C11orf65: variants seen among roughly 807,000 people sequenced by gnomAD.
The protein encoded by C11orf65 is chromosome 11 open reading frame 65, also known as protein MFI.
A neutral mutation model predicts 35.3 loss-of-function variants in C11orf65; 38 were observed. That is an observed-to-expected ratio of 1.08 (90% confidence interval 0.83 to 1.41). The LOEUF (loss-of-function observed/expected upper bound fraction) is 1.41. Ranked by LOEUF, C11orf65 falls within the 40% of genes most tolerant of loss-of-function variation. The probability of loss-of-function intolerance (pLI) is 0.00; values close to 1 mark genes in which losing one functional copy is unlikely to be tolerated. For synonymous variants in C11orf65, 105 were observed against 114.4 expected (o/e 0.92, Z 0.53); for missense variants, 370 against 367.1 (o/e 1.01, Z -0.06).
chr11:108,414,786 C>T (rs1418613377), intron 3 of C11orf65, among the ~76,000 whole-genome samples: 1 of 152,024 alleles, frequency 6.6e-6, no homozygotes, highest in Non-Finnish European at 1.5e-5. Context: ...AGACCAATAT[C>T]TCTCATGAGC....
intron 6 of C11orf65, chr11:108,321,491 A>G: frequency 3.7e-6 from 6 of 1,607,568 alleles, no homozygotes; most frequent in Non-Finnish European, 5.1e-6. Flanking sequence ...TTTAAAAAAT[A>G]AAAACTATAG....
chr11:108,464,614 C>A (rs2093512399), intron 1 of C11orf65, among the ~76,000 whole-genome samples: 2 of 152,162 alleles, frequency 1.3e-5, no homozygotes, highest in African/African-American at 4.8e-5. Flanking sequence ...CCCACCTCGG[C>A]CTCCCAAAGC....
chr11:108,356,694 C>G (rs2089967022), intron 2 of C11orf65, among the ~76,000 whole-genome samples: 1 of 152,106 alleles, frequency 6.6e-6, no homozygotes, highest in Non-Finnish European at 1.5e-5. Flanking sequence ...TGTATCCTAC[C>G]TAACACTCAC....
At chr11:108,358,494 C>T (rs2090313251) in intron 2 of C11orf65, among the ~76,000 whole-genome samples, 1 of 149,414 alleles carries the variant, frequency 6.7e-6, no homozygotes, top group Non-Finnish European at 1.5e-5. Flanking sequence ...ACATAATTGT[C>T]AGATTCACCA....
chr11:108,396,782 T>C (rs1230667156), intron 6 of C11orf65, among the ~76,000 whole-genome samples: 1 of 150,930 alleles, frequency 6.6e-6, no homozygotes, highest in African/African-American at 2.4e-5. Flanking sequence ...TGCAGTGAGC[T>C]GAGATGGCGC....
rs978678299 is a variant in C11orf65, at chr11:108,467,520, C to G, written c.-59G>C. The G allele has an allele frequency of 1.1e-4, 17 of 152,292 alleles. No homozygotes were observed. Among genetic ancestry groups the G allele is most frequent in the Non-Finnish European group, 4.4e-5 (3 of 68,132 alleles). The allele number at this position is 152,292 out of a possible 1,614,324, so 9.4% of individuals were successfully genotyped here. ...CTGGACTCCTAGGTAACGTCGCAGG[C>G]GGAAATGACGTAACTCAATCCGTTC... On this transcript the variant is annotated 5_prime_UTR_variant, in exon 1 of 9. Coordinates refer to ENST00000393084, the MANE Select transcript of C11orf65 (RefSeq NM_152587.5).
intron 2 of C11orf65, among the ~76,000 whole-genome samples, chr11:108,441,503 G>A (rs1449321676): frequency 6.6e-6 from 1 of 152,232 alleles, no homozygotes; most frequent in Admixed American, 6.5e-5. Context: ...TTTGAGATGA[G>A]AGAATGGGCA....
intron 2 of C11orf65, among the ~76,000 whole-genome samples, chr11:108,451,494 C>G (rs1473219894): frequency 6.6e-6 from 1 of 151,688 alleles, no homozygotes; most frequent in Non-Finnish European, 1.5e-5. Context: ...CACTGCTCAA[C>G]AAAATAAAAG....
chr11:108,429,134 G>A (rs900916051), intron 3 of C11orf65, among the ~76,000 whole-genome samples: 15 of 151,832 alleles, frequency 9.9e-5, no homozygotes, highest in African/African-American at 3.1e-4. Flanking sequence ...GAGACAGAAC[G>A]AGACCCTGTC....
rs551841060 is a variant in C11orf65 at position 108,373,752 on chromosome 11, C to T, written c.226+19456G>A. 3.9e-5 allele frequency among the ~76,000 whole-genome samples: 6 copies of T among 152,168 alleles called. No homozygotes were observed. The South Asian group carries it at 1.0e-3, about 26-fold the overall frequency. On this transcript the variant is annotated intron_variant, in intron 2 of 3. Coordinates refer to the C11orf65 transcript ENST00000524755. The stretch of plus-strand genomic sequence containing the variant: ...CATCACACGGGAAGCGCAAGGGGTC[C>T]GGGAGTTCCCTTTCCTGGTCAAGGA...
intron 2 of C11orf65, among the ~76,000 whole-genome samples, chr11:108,371,726 A>G (rs1157853765): frequency 6.6e-6 from 1 of 152,178 alleles, no homozygotes; most frequent in Non-Finnish European, 1.5e-5. Context: ...ATGTCTTCAG[A>G]ACTCTTTTTT....
intron 2 of C11orf65, among the ~76,000 whole-genome samples, chr11:108,359,769 C>G (rs1309702264): frequency 1.3e-5 from 2 of 151,952 alleles, no homozygotes; most frequent in African/African-American, 2.4e-5. Context: ...ACACAACGTA[C>G]CAGAATCTCT....
At chr11:108,328,943 ATTACC>A, downstream of C11orf65, 1 of 1,395,412 alleles carries the variant, frequency 7.2e-7, no homozygotes, top group Non-Finnish European at 1.0e-6. Context: ...ATTTTAGTGT[ATTACC>A]TTAATTTGAG....
At chr11:108,352,784 T>C (rs528508630) in intron 2 of C11orf65, among the ~76,000 whole-genome samples, 1 of 152,206 alleles carries the variant, frequency 6.6e-6, no homozygotes. Context: ...TCCAGAGAAT[T>C]AGGCTGAGTG....
At chr11:108,310,695 C>G (rs1402621867) in intron 6 of C11orf65, among the ~76,000 whole-genome samples, 1 of 152,006 alleles carries the variant, frequency 6.6e-6, no homozygotes, top group Non-Finnish European at 1.5e-5. Flanking sequence ...CCACTAATTT[C>G]TAAACTATTC....
intron 2 of C11orf65, among the ~76,000 whole-genome samples, chr11:108,447,135 A>C (rs938850363): frequency 1.3e-5 from 2 of 152,180 alleles, no homozygotes; most frequent in Admixed American, 1.3e-4. Context: ...TCATAAAGCA[A>C]GTCCTGAGTG....
chr11:108,389,712 C>T (rs1351363390), intron 7 of C11orf65, among the ~76,000 whole-genome samples: 1 of 152,146 alleles, frequency 6.6e-6, no homozygotes, highest in Non-Finnish European at 1.5e-5. Flanking sequence ...CAGAGTCTCG[C>T]TCTGTCACCC....
At chr11:108,317,205 C>T (rs371509038) in intron 6 of C11orf65, among the ~76,000 whole-genome samples, 2 of 151,938 alleles carry the variant, frequency 1.3e-5, no homozygotes, top group South Asian at 4.2e-4. Flanking sequence ...TCCCAAAGTG[C>T]TGAGATTACA....
chr11:108,387,459 T>G (rs1258151545), intron 7 of C11orf65, among the ~76,000 whole-genome samples: 1 of 152,082 alleles, frequency 6.6e-6, no homozygotes, highest in Non-Finnish European at 1.5e-5. Flanking sequence ...ATTTGAATTA[T>G]TTTTACTTCT....
Sources: gnomAD v4.1 joint callset for allele counts (sites outside exome capture counted in the v4.1 genomes callset) on GRCh38, gnomAD v4.1.1 for gene constraint, MANE v1.5 for transcripts, NCBI Gene and HGNC (gene_info 2026-07-23, HGNC 2026-07-21) for gene names.